Variants in NBEA observed in about 807,000 individuals in gnomAD.
The protein encoded by NBEA is lysosomal-trafficking regulator 2.
NBEA carries 44 observed loss-of-function variants against 343.4 expected under a neutral mutation model. The observed-to-expected ratio is 0.13, with a 90% confidence interval of 0.10 to 0.16. The LOEUF is 0.16. NBEA is among the 10% of genes least tolerant of loss of function. The pLI is 1.00. For synonymous variants in NBEA, 1,175 were observed against 1,238.7 expected, an observed-to-expected ratio of 0.95 and a Z score of 1.08; for missense variants, 2,555 against 3,631.3, an observed-to-expected ratio of 0.70 and a Z score of 7.62.
chr13:35,073,377 G>A (rs932810287), intron 10 of NBEA, among the ~76,000 whole-genome samples: 3 of 152,132 alleles, frequency 2.0e-5, no homozygotes, highest in African/African-American at 7.2e-5. Context: ...TTGGAAGTCT[G>A]ATTGCATGGT....
At chr13:35,195,755 T>A (rs991793119) in intron 30 of NBEA, 109 bp from the exon 31 acceptor site, 13 of 989,578 alleles carry the variant, frequency 1.3e-5, no homozygotes, top group Non-Finnish European at 1.9e-5. Context: ...AGCAATTTTT[T>A]GTTTCTACAG....
chr13:35,140,193 A>G (rs1420893250), intron 17 of NBEA, among the ~76,000 whole-genome samples: 1 of 147,814 alleles, frequency 6.8e-6, no homozygotes, highest in African/African-American at 2.5e-5. Context: ...TTTTTTTTTT[A>G]AGTAGAGATG....
chr13:35,099,198 G>GTTTTT (rs760866538), intron 11 of NBEA, among the ~76,000 whole-genome samples: 2 of 113,882 alleles, frequency 1.8e-5, no homozygotes, highest in Non-Finnish European at 3.6e-5. Flanking sequence ...CCTGGCTAAA[G>GTTTTT]TTTTTTTTTT....
chr13:35,190,391 T>C (rs922324547), intron 30 of NBEA, among the ~76,000 whole-genome samples: 10 of 152,022 alleles, frequency 6.6e-5, no homozygotes, highest in African/African-American at 2.4e-4. Context: ...TGGCTGACCT[T>C]GAGGCCCAGC....
intron 39 of NBEA, among the ~76,000 whole-genome samples, 155 bp downstream of exon 39, chr13:35,432,548 G>T (rs1020739635): frequency 6.6e-6 from 1 of 151,888 alleles, no homozygotes; most frequent in African/African-American, 2.4e-5. Flanking sequence ...CATCATTTAG[G>T]TTACTGTTAA....
At chr13:35,312,218 G>A (rs1040375589) in intron 36 of NBEA, among the ~76,000 whole-genome samples, 4 of 152,132 alleles carry the variant, frequency 2.6e-5, no homozygotes, top group Non-Finnish European at 5.9e-5. Flanking sequence ...TGATGCAATC[G>A]TACCACAGAA....
At chr13:35,634,970 G>A (rs75106720) in intron 49 of NBEA, among the ~76,000 whole-genome samples, 2 of 152,072 alleles carry the variant, frequency 1.3e-5, no homozygotes, top group East Asian at 3.9e-4. Context: ...GAATTGACAT[G>A]ATAGGGCTGT....
chr13:35,275,273 A>G (rs910863854), intron 34 of NBEA, among the ~76,000 whole-genome samples: 1 of 152,230 alleles, frequency 6.6e-6, no homozygotes, highest in East Asian at 1.9e-4. Flanking sequence ...TCCCTATTTA[A>G]TAAATGGTGC....
chr13:35,531,055 AT>A (rs527653744), intron 41 of NBEA, among the ~76,000 whole-genome samples: 1 of 152,226 alleles, frequency 6.6e-6, no homozygotes, highest in Non-Finnish European at 1.5e-5. Flanking sequence ...ATTTAGAAAT[AT>A]GCTTCTTTGT....
Position 35,177,493 on chromosome 13 carries a change from G to T in NBEA, c.4662+390G>T, listed in dbSNP as rs373571023. Among the ~76,000 whole-genome samples the T allele has an allele frequency of 4.0e-4, 60 of 151,870 alleles. No individual in the cohort carries two copies. In the South Asian group the frequency reaches 0.012, roughly 30 times the overall value. On this transcript the variant is annotated intron_variant, in intron 28 of 58. Coordinates refer to ENST00000379939, the MANE Select transcript of NBEA (RefSeq NM_001385012.1). ...AGGGATTAATTCATTAGGTGTTACTGACAATTACTTTTGGAGGAGGGGCAA... is the reference window on the plus strand; with the variant it reads ...AGGGATTAATTCATTAGGTGTTACTTACAATTACTTTTGGAGGAGGGGCAA...
chr13:35,095,696 A>G (rs1020543626), intron 10 of NBEA, among the ~76,000 whole-genome samples: 1 of 151,962 alleles, frequency 6.6e-6, no homozygotes, highest in Non-Finnish European at 1.5e-5. Context: ...CAGAACATGT[A>G]TTATGGTACT....
chr13:35,316,796 C>A (rs2037761708), intron 36 of NBEA, among the ~76,000 whole-genome samples: 1 of 152,152 alleles, frequency 6.6e-6, no homozygotes. Context: ...TAAATGATTG[C>A]CATTCTAAAT....
intron 38 of NBEA, among the ~76,000 whole-genome samples, chr13:35,426,162 C>A (rs926710877): frequency 6.6e-6 from 1 of 152,030 alleles, no homozygotes; most frequent in African/African-American, 2.4e-5. Flanking sequence ...AAGTTAATAT[C>A]GTTATGTGTG....
chr13:35,093,054 A>T (rs2065165910), intron 10 of NBEA, among the ~76,000 whole-genome samples: 1 of 152,068 alleles, frequency 6.6e-6, no homozygotes, highest in Non-Finnish European at 1.5e-5. Context: ...CAGAGGCAAT[A>T]TGCTGAGCTT....
chr13:35,070,994 A>G (rs963885064), intron 10 of NBEA, 142 bp downstream of exon 10: 1 of 781,026 alleles, frequency 1.3e-6, no homozygotes, highest in Non-Finnish European at 1.8e-6. Context: ...GAACTAATGG[A>G]GATAGATATT....
chr13:35,391,004 G>C (rs1331420595), intron 38 of NBEA, among the ~76,000 whole-genome samples: 1 of 152,298 alleles, frequency 6.6e-6, no homozygotes, highest in East Asian at 1.9e-4. Context: ...TCCAGGTGCA[G>C]TGGCTCATGC....
intron 40 of NBEA, among the ~76,000 whole-genome samples, chr13:35,458,232 C>T (rs2046691262): frequency 6.6e-6 from 1 of 152,146 alleles, no homozygotes. Context: ...ATGTTATTAT[C>T]TGTCTTCCTT....
chr13:35,417,898 G>T (rs1225250458), intron 38 of NBEA, among the ~76,000 whole-genome samples: 2 of 152,106 alleles, frequency 1.3e-5, no homozygotes, highest in African/African-American at 4.8e-5. Flanking sequence ...CTAAGGACTT[G>T]CTTTATGAAC....
intron 1 of NBEA, 60 bp downstream of exon 1, chr13:34,943,174 G>C (rs2059083038): frequency 6.3e-7 from 1 of 1,588,108 alleles, no homozygotes; most frequent in Non-Finnish European, 8.6e-7. Context: ...CGTCCCCAGC[G>C]CCTTTCCCTC....
Sources: allele counts gnomAD v4.1 joint callset (sites outside exome capture counted in the v4.1 genomes callset), GRCh38; gene constraint gnomAD v4.1.1; transcripts MANE v1.5; gene names NCBI Gene and HGNC (gene_info 2026-07-23, HGNC 2026-07-21).